ALMS1: variants seen among roughly 807,000 people sequenced by gnomAD.
ALMS1 encodes ALMS1 centrosome and basal body associated protein.
ALMS1 carries 271 observed loss-of-function variants against 352.2 expected under a neutral mutation model. The ratio of observed to expected loss-of-function variants is 0.77; its 90% CI spans 0.70 to 0.85. The LOEUF is 0.85. Among genes scored for constraint, ALMS1 ranks in the 40% least tolerant of loss-of-function variants. ALMS1 has a pLI of 0.00. For synonymous variants in ALMS1, 1,865 were observed against 1,761.2 expected, an observed-to-expected ratio of 1.06 and a Z score of -1.48; for missense variants, 5,445 against 4,870.7, an observed-to-expected ratio of 1.12 and a Z score of -3.51.
intron 7 of ALMS1, among the ~76,000 whole-genome samples, chr2:73,439,908 A>G (rs1671681764): frequency 6.6e-6 from 1 of 152,026 alleles, no homozygotes; most frequent in Admixed American, 6.6e-5. Flanking sequence ...TTTTCACTTT[A>G]TTCCTGTTTC....
intron 1 of ALMS1, among the ~76,000 whole-genome samples, chr2:73,395,052 A>ATGTG (rs1670728982): frequency 5.4e-5 from 7 of 129,094 alleles, no homozygotes; most frequent in African/African-American, 2.1e-4. Flanking sequence ...GTGTATATAT[A>ATGTG]TATATGTGTA....
chr2:73,608,621 G>T (rs372849900), intron 22 of ALMS1, 47 bp downstream of exon 22: 110 of 1,466,170 alleles, frequency 7.5e-5, no homozygotes, highest in Non-Finnish European at 9.8e-5. Flanking sequence ...GTTTATTGGC[G>T]GAAAGAGAAA....
At chr2:73,474,150 T>A (rs951756599) in intron 9 of ALMS1, among the ~76,000 whole-genome samples, 5 of 152,144 alleles carry the variant, frequency 3.3e-5, no homozygotes, top group South Asian at 4.1e-4. Flanking sequence ...ATTTTTTTTT[T>A]AAATCTGGTT....
intron 11 of ALMS1, among the ~76,000 whole-genome samples, chr2:73,531,392 G>A (rs903871996): frequency 1.2e-4 from 19 of 152,198 alleles, no homozygotes; most frequent in African/African-American, 4.6e-4. Flanking sequence ...CTAATGCATA[G>A]CAAAAGTGAC....
intron 12 of ALMS1, among the ~76,000 whole-genome samples, chr2:73,541,686 A>G (rs1009383572): frequency 2.6e-5 from 4 of 152,210 alleles, no homozygotes; most frequent in African/African-American, 9.6e-5. Flanking sequence ...TAAAGGGGAT[A>G]TCACCACCGA....
intron 2 of ALMS1, among the ~76,000 whole-genome samples, chr2:73,412,715 G>T (rs1224116427): frequency 1.3e-5 from 2 of 152,174 alleles, no homozygotes; most frequent in African/African-American, 4.8e-5. Flanking sequence ...AGAATCGCTT[G>T]AACCTGGGAG....
intron 1 of ALMS1, among the ~76,000 whole-genome samples, chr2:73,390,044 T>C (rs964473505): frequency 7.2e-5 from 11 of 152,276 alleles, no homozygotes; most frequent in South Asian, 4.2e-4. Context: ...GCCCAGAGTA[T>C]TTTTTCCTCC....
At position 73,386,344 on chromosome 2, in the gene ALMS1, C is replaced by G. The variant is rs908436800; in HGVS notation, c.324+152C>G. 1.1e-4 allele frequency: 118 copies of G among 1,120,452 alleles called. No individual in the cohort carries two copies. The highest frequency in any genetic ancestry group is 1.3e-4 in the Non-Finnish European group (111 of 830,884). The allele number at this position is 1,120,452 out of a possible 1,614,324, so 69.4% of individuals were successfully genotyped here. A position where few individuals can be genotyped will look rare whatever the true frequency, so the allele number is the denominator to read the frequency against. On this transcript the variant is annotated intron_variant, in intron 1 of 22. Transcript: ENST00000613296. Reference sequence around the variant, plus strand: ...GCGGCCCAGACTCCAGCCCAGGTGCCGGCCGGCTGCTCCGCGTCTCCCAGG... The same window carrying G: ...GCGGCCCAGACTCCAGCCCAGGTGCGGGCCGGCTGCTCCGCGTCTCCCAGG...
At chr2:73,595,476 G>C (rs560646634) in intron 16 of ALMS1, among the ~76,000 whole-genome samples, 97 of 152,192 alleles carry the variant, frequency 6.4e-4, no homozygotes, top group Middle Eastern at 3.4e-3. Context: ...ATGCATCAGT[G>C]GTTCCTTTTT....
At chr2:73,524,004 A>G (rs992299192) in intron 11 of ALMS1, among the ~76,000 whole-genome samples, 2 of 152,220 alleles carry the variant, frequency 1.3e-5, no homozygotes, top group Non-Finnish European at 2.9e-5. Flanking sequence ...TTGAAAATTC[A>G]TAATCATATG....
intron 9 of ALMS1, among the ~76,000 whole-genome samples, chr2:73,481,394 C>CGG (rs1672700750): frequency 6.6e-6 from 1 of 152,026 alleles, no homozygotes; most frequent in Non-Finnish European, 1.5e-5. Context: ...TGTAGATATG[C>CGG]TGCATTATTT....
intron 11 of ALMS1, among the ~76,000 whole-genome samples, chr2:73,520,465 C>T (rs925814974): frequency 1.1e-4 from 16 of 152,098 alleles, no homozygotes; most frequent in Admixed American, 4.6e-4. Flanking sequence ...AACACAATAG[C>T]AGTTTATCTC....
chr2:73,464,773 A>G (rs932325702), intron 9 of ALMS1, among the ~76,000 whole-genome samples: 2 of 152,202 alleles, frequency 1.3e-5, no homozygotes, highest in African/African-American at 4.8e-5. Context: ...TCAATGTACA[A>G]AAATCACAAG....
intron 10 of ALMS1, among the ~76,000 whole-genome samples, chr2:73,512,970 C>G (rs999424029): frequency 6.6e-6 from 1 of 152,166 alleles, no homozygotes; most frequent in African/African-American, 2.4e-5. Flanking sequence ...ATTTATTTCT[C>G]TATCTGTATA....
chr2:73,524,027 C>T (rs1157796517), intron 11 of ALMS1, among the ~76,000 whole-genome samples: 9 of 152,128 alleles, frequency 5.9e-5, no homozygotes, highest in African/African-American at 1.9e-4. Flanking sequence ...CAATACAACC[C>T]TATGAAATGC....
intron 6 of ALMS1, among the ~76,000 whole-genome samples, chr2:73,429,807 T>A (rs189755843): frequency 6.6e-6 from 1 of 152,316 alleles, no homozygotes; most frequent in East Asian, 1.9e-4. Flanking sequence ...CAAATTCAAC[T>A]TGCTCTATAG....
chr2:73,413,637 C>T (rs561058783), intron 2 of ALMS1, among the ~76,000 whole-genome samples: 1 of 152,198 alleles, frequency 6.6e-6, no homozygotes, highest in African/African-American at 2.4e-5. Flanking sequence ...GTCAAAATCT[C>T]TCCCAACTGA....
At chr2:73,472,840 T>G (rs1672495397) in intron 9 of ALMS1, among the ~76,000 whole-genome samples, 2 of 152,086 alleles carry the variant, frequency 1.3e-5, no homozygotes, top group South Asian at 4.1e-4. Context: ...TAGAGCTTCC[T>G]TTTGTTTTAC....
In ALMS1 at chr2:73,529,720, C is replaced by T. The variant is rs988014817; in HGVS notation, c.9782-5104C>T. On this transcript the variant is annotated intron_variant, in intron 11 of 22. Coordinates refer to ENST00000613296, the MANE Select transcript of ALMS1 (RefSeq NM_001378454.1). The stretch of plus-strand genomic sequence containing the variant: ...GGTTGTATTAGTCCATTTTCAAACT[C>T]CTAGAAGTATGCTACCTGAGACTGG... 2.6e-5 allele frequency among the ~76,000 whole-genome samples: 4 copies of T among 152,044 alleles called. No homozygotes were observed. The South Asian group carries it at 6.2e-4, about 24-fold the overall frequency.
Sources: gnomAD v4.1 joint callset for allele counts (sites outside exome capture counted in the v4.1 genomes callset) on GRCh38, gnomAD v4.1.1 for gene constraint, MANE v1.5 for transcripts, NCBI Gene and HGNC (gene_info 2026-07-23, HGNC 2026-07-21) for gene names.